The following CDH4 variants were observed in gnomAD, a reference collection of about 807,000 sequenced individuals.
CDH4 encodes cadherin-4.
Under a neutral mutation model 86.0 loss-of-function variants are expected in CDH4, and 33 were observed. That is an observed-to-expected ratio of 0.38 (90% CI 0.29 to 0.51). The LOEUF is 0.51. Among genes scored for constraint, CDH4 ranks in the 20% least tolerant of loss-of-function variants. CDH4 has a pLI of 0.86. For synonymous variants in CDH4, 555 were observed against 549.4 expected (o/e 1.01, Z -0.14); for missense variants, 1,114 against 1,307.4 (o/e 0.85, Z 2.28).
intron 2 of CDH4, among the ~76,000 whole-genome samples, chr20:61,529,016 G>C (rs929536224): frequency 6.6e-6 from 1 of 152,196 alleles, no homozygotes; most frequent in Non-Finnish European, 1.5e-5. Context: ...TCGGTTTTCA[G>C]TCAGCCTGGA....
At chr20:61,535,051 C>T (rs2085986450) in intron 2 of CDH4, among the ~76,000 whole-genome samples, 1 of 152,230 alleles carries the variant, frequency 6.6e-6, no homozygotes, top group Admixed American at 6.5e-5. Flanking sequence ...CCTTTGCAGA[C>T]TCATGTGGAG....
At chr20:61,842,724 T>A (rs1982234679) in intron 4 of CDH4, among the ~76,000 whole-genome samples, 1 of 152,204 alleles carries the variant, frequency 6.6e-6, no homozygotes, top group Admixed American at 6.5e-5. Context: ...CCTATTTTTC[T>A]GCTTTCAGAT....
intron 2 of CDH4, among the ~76,000 whole-genome samples, chr20:61,731,064 G>A (rs538096057): frequency 1.3e-5 from 2 of 152,190 alleles, no homozygotes; most frequent in South Asian, 2.1e-4. Flanking sequence ...TCACCCTGGG[G>A]TCTGGAGTTC....
At position 61,810,871 on chromosome 20, in the gene CDH4, C is replaced by G. The variant is rs565097009; in HGVS notation, c.577-33797C>G. 1.3e-5 allele frequency among the ~76,000 whole-genome samples: 2 copies of G among 152,144 alleles called. No homozygotes were observed. Among genetic ancestry groups the G allele is most frequent in the Non-Finnish European group, 2.9e-5 (2 of 68,028 alleles). On this transcript the variant is annotated intron_variant, in intron 4 of 15. Coordinates refer to ENST00000614565, the MANE Select transcript of CDH4 (RefSeq NM_001794.5). The surrounding 1 kb of genome is among the most constrained non-coding windows in gnomAD (Gnocchi z 4.3). ...GCCCCTTGGCCCGGCTTCTCCAGAA[C>G]GCAGCCAGCACAGAGGGTATGGCCG... is the stretch of plus-strand genomic sequence containing the variant.
intron 2 of CDH4, among the ~76,000 whole-genome samples, chr20:61,312,639 C>A (rs1436870237): frequency 6.6e-6 from 1 of 152,164 alleles, no homozygotes; most frequent in African/African-American, 2.4e-5. Flanking sequence ...CCTCGTGAGA[C>A]CCTACTGTGG....
chr20:61,405,920 T>C (rs978131189), intron 2 of CDH4, among the ~76,000 whole-genome samples: 1 of 152,168 alleles, frequency 6.6e-6, no homozygotes, highest in Non-Finnish European at 1.5e-5. Flanking sequence ...GACCTCATGA[T>C]CCATCCGCCT....
chr20:61,813,750 G>A (rs1028092572), intron 4 of CDH4, among the ~76,000 whole-genome samples: 5 of 152,020 alleles, frequency 3.3e-5, no homozygotes, highest in East Asian at 1.9e-4. Flanking sequence ...CCTTTCCCTC[G>A]ACAAAGCTTG....
At chr20:61,524,996 T>G (rs944093116) in intron 2 of CDH4, among the ~76,000 whole-genome samples, 1 of 152,182 alleles carries the variant, frequency 6.6e-6, no homozygotes, top group Non-Finnish European at 1.5e-5. Flanking sequence ...TAGACCTGTG[T>G]GGGACCCACC....
chr20:61,402,920 A>G lies in CDH4; in HGVS notation c.169+147983A>G, dbSNP rs76388851. Among the ~76,000 whole-genome samples the G allele has an allele frequency of 4.6e-3, 696 of 152,332 alleles. 6 individuals carry two copies. Among genetic ancestry groups the G allele is most frequent in the African/African-American group, 0.015 (629 of 41,572 alleles). ...CTTTCTTCCTTATTTACAGATCCAC[A>G]AATTTACATAGGACAATAATCCACC... On this transcript the variant is annotated intron_variant, in intron 2 of 15. Coordinates refer to ENST00000614565, the MANE Select transcript of CDH4 (RefSeq NM_001794.5).
At chr20:61,883,642 C>A (rs1250965490) in intron 7 of CDH4, among the ~76,000 whole-genome samples, 1 of 152,242 alleles carries the variant, frequency 6.6e-6, no homozygotes, top group Non-Finnish European at 1.5e-5. Flanking sequence ...AGGCACGTGG[C>A]CCTCCACAGT....
chr20:61,910,722 C>T (rs1300188742), intron 9 of CDH4, 115 bp downstream of exon 9: 1 of 1,003,426 alleles, frequency 1.0e-6, no homozygotes, highest in Non-Finnish European at 1.5e-6. Flanking sequence ...CCCTAATATC[C>T]AAGGGTAGAG....
Position 61,516,373 on chromosome 20 carries a change from A to G in CDH4, c.170-227190A>G, listed in dbSNP as rs1195746957. Among the ~76,000 whole-genome samples, 1 of 152,152 alleles carries G rather than the reference A, an allele frequency of 6.6e-6. No individual in the cohort carries two copies. The highest frequency in any genetic ancestry group is 1.5e-5 in the Non-Finnish European group (1 of 68,038). ...GGACCAACATCTGTCACACACATAC[A>G]GAGCCCCCGTCGGACGCTGCATGAG... is the stretch of plus-strand genomic sequence containing the variant. On this transcript the variant is annotated intron_variant, in intron 2 of 15. Transcript: ENST00000614565. This position sits in a 1 kb window ranked among gnomAD's most constrained non-coding sequence, Gnocchi z 4.0.
intron 2 of CDH4, among the ~76,000 whole-genome samples, chr20:61,616,096 G>C (rs1031388311): frequency 1.3e-5 from 2 of 152,198 alleles, no homozygotes; most frequent in African/African-American, 4.8e-5. Flanking sequence ...AGAGAGCAGT[G>C]GGTGAGATCA....
Position 61,520,517 on chromosome 20 carries a change from G to A in CDH4, c.170-223046G>A, listed in dbSNP as rs965863544. On this transcript the variant is annotated intron_variant, in intron 2 of 15. Coordinates refer to ENST00000614565, the MANE Select transcript of CDH4 (RefSeq NM_001794.5). ...CAAGGGAGCTGTCTGTCAGGCCAGCGCTTAGCACGGAGTGAAGCACCAGCT... is the reference window on the plus strand; with the variant it reads ...CAAGGGAGCTGTCTGTCAGGCCAGCACTTAGCACGGAGTGAAGCACCAGCT... 3.9e-5 allele frequency among the ~76,000 whole-genome samples: 6 copies of A among 152,226 alleles called. No individual in the cohort carries two copies. The East Asian group carries it at 1.2e-3, about 29-fold the overall frequency.
At chr20:61,545,883 C>A (rs868607483) in intron 2 of CDH4, among the ~76,000 whole-genome samples, 1 of 61,584 alleles carries the variant, frequency 1.6e-5, no homozygotes, top group Non-Finnish European at 3.2e-5. Flanking sequence ...ATGTGGGATA[C>A]GGTATGTGTT....
intron 2 of CDH4, among the ~76,000 whole-genome samples, chr20:61,493,872 G>A (rs565648240): frequency 1.8e-4 from 28 of 152,330 alleles, no homozygotes; most frequent in African/African-American, 6.3e-4. Flanking sequence ...GAGAACAGTG[G>A]CCCGTACAAA....
intron 2 of CDH4, among the ~76,000 whole-genome samples, chr20:61,297,362 C>T (rs2084361320): frequency 6.6e-6 from 1 of 152,176 alleles, no homozygotes; most frequent in Non-Finnish European, 1.5e-5. Context: ...GTACTCCAGC[C>T]TGGACGACAA....
intron 6 of CDH4, among the ~76,000 whole-genome samples, chr20:61,861,751 C>T (rs1983336563): frequency 6.6e-6 from 1 of 152,214 alleles, no homozygotes; most frequent in African/African-American, 2.4e-5. Flanking sequence ...TCACGTACAC[C>T]ATCAGGCAGG....
chr20:61,903,395 A>G (rs1435988971), intron 8 of CDH4, among the ~76,000 whole-genome samples: 1 of 152,108 alleles, frequency 6.6e-6, no homozygotes, highest in African/African-American at 2.4e-5. Flanking sequence ...AAATACAAAA[A>G]TTAGCTGGGC....
Sources: allele counts gnomAD v4.1 joint callset (sites outside exome capture counted in the v4.1 genomes callset), GRCh38; gene constraint gnomAD v4.1.1; non-coding constraint Gnocchi (gnomAD v3.1); transcripts MANE v1.5; gene names NCBI Gene and HGNC (gene_info 2026-07-23, HGNC 2026-07-21).